PRKCE: variants seen among roughly 807,000 people sequenced by gnomAD.
PRKCE encodes protein kinase C epsilon, also known as protein kinase C epsilon type.
Under a neutral mutation model 85.4 loss-of-function variants are expected in PRKCE, and 16 were observed. That is an observed-to-expected ratio of 0.19 (90% CI 0.13 to 0.28). PRKCE has a LOEUF of 0.28. Among genes scored for constraint, PRKCE ranks in the 10% least tolerant of loss-of-function variants. The probability of loss-of-function intolerance (pLI) is 1.00; values close to 1 mark genes in which losing one functional copy is unlikely to be tolerated. For missense variants in PRKCE, 573 were observed against 975.2 expected, an observed-to-expected ratio of 0.59 and a Z score of 5.49; for synonymous variants, 388 against 371.5, an observed-to-expected ratio of 1.04 and a Z score of -0.51.
At chr2:45,909,292 T>A (rs993391637) in intron 2 of PRKCE, among the ~76,000 whole-genome samples, 3 of 152,326 alleles carry the variant, frequency 2.0e-5, no homozygotes, top group Non-Finnish European at 4.4e-5. Flanking sequence ...CCAATTGGTT[T>A]ATGAGTTTGC....
At chr2:45,943,712 A>T (rs1379945175) in intron 2 of PRKCE, among the ~76,000 whole-genome samples, 2 of 152,224 alleles carry the variant, frequency 1.3e-5, no homozygotes, top group African/African-American at 2.4e-5. Context: ...ATGTCAGCTA[A>T]GTTACACGTC....
rs1304090775 is a variant in PRKCE, at chr2:45,880,594, TC to T, written c.412+37532del. Among the ~76,000 whole-genome samples, 10 of 152,096 alleles carry T rather than the reference TC, an allele frequency of 6.6e-5. No homozygotes were observed. In the East Asian group the frequency reaches 1.9e-3, roughly 29 times the overall value. On this transcript the variant is annotated intron_variant, in intron 2 of 14. Transcript: ENST00000306156. ...TTATGTATATTTTTGATTAAGACAG[TC>T]TGTTTACTCCCTGGACAGCAGTGTA...
chr2:46,133,017 A>C (rs905518966), intron 11 of PRKCE, among the ~76,000 whole-genome samples: 3 of 152,150 alleles, frequency 2.0e-5, no homozygotes, highest in African/African-American at 7.2e-5. Flanking sequence ...GTGACCTAAA[A>C]GGGGCTAACC....
chr2:45,927,945 C>A (rs1308745580), intron 2 of PRKCE, among the ~76,000 whole-genome samples: 1 of 148,530 alleles, frequency 6.7e-6, no homozygotes, highest in Non-Finnish European at 1.5e-5. Context: ...GTGGGGGGGC[C>A]TGGGTGGTAC....
chr2:45,756,912 A>G (rs575450485), intron 1 of PRKCE, among the ~76,000 whole-genome samples: 41 of 152,310 alleles, frequency 2.7e-4, no homozygotes, highest in African/African-American at 8.9e-4. Context: ...TGATGGTTTC[A>G]CAGGGGTATA....
intron 1 of PRKCE, among the ~76,000 whole-genome samples, chr2:45,804,945 C>CTTTTTTTTTTTTTTTTTTTTTTTTTTTT (rs5830871): frequency 7.5e-6 from 1 of 133,520 alleles, no homozygotes. Flanking sequence ...AACTCATCAA[C>CTTTTTTTTTTTTTTTTTTTTTTTTTTTT]TTTTTTTTTT....
At chr2:45,871,122 T>C (rs561024831) in intron 2 of PRKCE, among the ~76,000 whole-genome samples, 3 of 152,300 alleles carry the variant, frequency 2.0e-5, no homozygotes, top group African/African-American at 7.2e-5. Context: ...TTCAGGACTG[T>C]GGTTGCATGT....
At chr2:46,093,459 A>G (rs1280892431) in intron 11 of PRKCE, among the ~76,000 whole-genome samples, 1 of 150,600 alleles carries the variant, frequency 6.6e-6, no homozygotes, top group Non-Finnish European at 1.5e-5. Flanking sequence ...AAGCAACCAC[A>G]TTCAACTCGC....
intron 1 of PRKCE, among the ~76,000 whole-genome samples, chr2:45,842,581 T>C (rs1323652671): frequency 6.6e-6 from 1 of 152,164 alleles, no homozygotes; most frequent in Non-Finnish European, 1.5e-5. Context: ...TGGGATAACA[T>C]AGGGCTTTCT....
chr2:45,885,815 T>TC (rs1169319240), intron 2 of PRKCE, among the ~76,000 whole-genome samples: 7 of 152,376 alleles, frequency 4.6e-5, no homozygotes, highest in African/African-American at 1.7e-4. Context: ...GGTGCTTTGA[T>TC]TTTTGTTATT....
intron 1 of PRKCE, among the ~76,000 whole-genome samples, chr2:45,722,492 C>A (rs989914116): frequency 1.3e-5 from 2 of 152,202 alleles, no homozygotes; most frequent in African/African-American, 4.8e-5. Flanking sequence ...TCCCAGACCA[C>A]ACTTTGGGAA....
At chr2:45,922,275 C>T (rs887746112) in intron 2 of PRKCE, among the ~76,000 whole-genome samples, 1 of 152,104 alleles carries the variant, frequency 6.6e-6, no homozygotes, top group East Asian at 1.9e-4. Flanking sequence ...TACAAATTGC[C>T]ATTAGCTTTC....
chr2:45,676,419 A>T (rs895722335), intron 1 of PRKCE, among the ~76,000 whole-genome samples: 2 of 152,280 alleles, frequency 1.3e-5, no homozygotes, highest in Admixed American at 6.5e-5. Context: ...CTTAAAGGAT[A>T]CAGAGCCTTT....
chr2:45,881,844 G>T (rs781450185), intron 2 of PRKCE, among the ~76,000 whole-genome samples: 2 of 152,184 alleles, frequency 1.3e-5, no homozygotes, highest in Non-Finnish European at 2.9e-5. Context: ...GGCTATCCAG[G>T]GCTCTGTGTA....
rs1472916938 is a variant in PRKCE, at chr2:45,905,732, T to G, written c.412+62669T>G. Among the ~76,000 whole-genome samples the G allele has an allele frequency of 1.3e-5, 2 of 152,216 alleles. No homozygotes were observed. Among genetic ancestry groups the G allele is most frequent in the Non-Finnish European group, 2.9e-5 (2 of 68,036 alleles). On this transcript the variant is annotated intron_variant, in intron 2 of 14. Coordinates refer to ENST00000306156, the MANE Select transcript of PRKCE (RefSeq NM_005400.3). The surrounding 1 kb of genome is among the most constrained non-coding windows in gnomAD (Gnocchi z 4.4). ...CTGTGATCTACAAAGATAGGATGTT[T>G]ACTGAAGGGTAAATGGAGACCGGCC... is the stretch of plus-strand genomic sequence containing the variant.
rs150038725 is a variant in PRKCE at position 46,133,179 on chromosome 2, C to A, written c.1593-11914C>A. 5.2e-3 allele frequency among the ~76,000 whole-genome samples: 790 copies of A among 152,312 alleles called. 6 individuals carry two copies. The highest frequency in any genetic ancestry group is 0.019 in the African/African-American group (771 of 41,558). On this transcript the variant is annotated intron_variant, in intron 11 of 14. Transcript: ENST00000306156. ...TGGACCCGGTATTGGGTTCTACGGT[C>A]CACTTCCGCCAGGCTCCAAGAACGC...
intron 1 of PRKCE, among the ~76,000 whole-genome samples, chr2:45,708,557 T>TC (rs1405440544): frequency 6.6e-6 from 1 of 152,234 alleles, no homozygotes; most frequent in Non-Finnish European, 1.5e-5. Context: ...TGTGACTTGC[T>TC]CCTCCTTGCC....
chr2:45,863,504 C>G (rs1479380644), intron 2 of PRKCE, among the ~76,000 whole-genome samples: 1 of 152,124 alleles, frequency 6.6e-6, no homozygotes. Flanking sequence ...CTCCCTTCTT[C>G]TTGCCCTACC....
chr2:46,106,882 C>G (rs11680282), intron 11 of PRKCE, among the ~76,000 whole-genome samples: 60,990 of 152,152 alleles, frequency 0.4, 14,076 homozygotes, highest in East Asian at 0.53. Context: ...ATTGTGCTTA[C>G]GCTTAGGTCA....
Sources: gnomAD v4.1 joint callset for allele counts (sites outside exome capture counted in the v4.1 genomes callset) on GRCh38, gnomAD v4.1.1 for gene constraint, Gnocchi (gnomAD v3.1) non-coding constraint, MANE v1.5 for transcripts, NCBI Gene and HGNC (gene_info 2026-07-23, HGNC 2026-07-21) for gene names.